The following AKAP19 variants were observed in gnomAD, a reference collection of about 807,000 sequenced individuals.
AKAP19 encodes the protein small A-kinase anchoring protein.
At chr2:189,905,654 T>C in the AKAP19 span, among the ~76,000 whole-genome samples, 2 of 139,080 alleles carry the variant, frequency 1.4e-5, no homozygotes, top group Admixed American at 1.4e-4. Flanking sequence ...TAGTTACCTG[T>C]TTGAGGCAGT....
chr2:190,191,907 GT>G, the AKAP19 span, among the ~76,000 whole-genome samples: 216 of 147,364 alleles, frequency 1.5e-3, no homozygotes, highest in African/African-American at 5.1e-3. Context: ...TATATTTGCT[GT>G]TTTTTTTTCA....
the AKAP19 span, chr2:189,930,705 G>T: frequency 1.9e-6 from 1 of 526,832 alleles, no homozygotes. Context: ...ATTGAATTGG[G>T]TCCCCATAAA....
chr2:190,188,392 G>A, the AKAP19 span, among the ~76,000 whole-genome samples: 1 of 152,132 alleles, frequency 6.6e-6, no homozygotes, highest in Non-Finnish European at 1.5e-5. Flanking sequence ...ATGACAAGAA[G>A]GCCAAAACAC....
chr2:190,050,755 A>C, the AKAP19 span, among the ~76,000 whole-genome samples: 1 of 152,220 alleles, frequency 6.6e-6, no homozygotes, highest in Non-Finnish European at 1.5e-5. Context: ...TCACTTAAAG[A>C]TCTCATGAGC....
chr2:190,099,475 G>A, the AKAP19 span, among the ~76,000 whole-genome samples: 1 of 152,056 alleles, frequency 6.6e-6, no homozygotes, highest in South Asian at 2.1e-4. Flanking sequence ...GGTTCAAGGT[G>A]CCCCAAAACA....
chr2:190,042,583 T>TAA, the AKAP19 span, among the ~76,000 whole-genome samples: 3 of 152,194 alleles, frequency 2.0e-5, no homozygotes, highest in Non-Finnish European at 4.4e-5. Flanking sequence ...CCTGCTTCTC[T>TAA]AATTCTTTCA....
chr2:190,089,049 G>A, the AKAP19 span, among the ~76,000 whole-genome samples: 1 of 152,196 alleles, frequency 6.6e-6, no homozygotes, highest in Non-Finnish European at 1.5e-5. Flanking sequence ...GGTCACTATA[G>A]CCACATCGAG....
the AKAP19 span, among the ~76,000 whole-genome samples, chr2:190,194,518 A>G: frequency 7.4e-5 from 11 of 148,520 alleles, no homozygotes; most frequent in South Asian, 2.1e-4. Context: ...ACACACACAC[A>G]CGCAGCATCT....
the AKAP19 span, among the ~76,000 whole-genome samples, chr2:189,971,563 T>A: frequency 6.6e-6 from 1 of 152,204 alleles, no homozygotes; most frequent in Non-Finnish European, 1.5e-5. Flanking sequence ...CGCCACACTG[T>A]CTTCCACAAT....
the AKAP19 span, among the ~76,000 whole-genome samples, chr2:189,970,261 A>T: frequency 6.6e-6 from 1 of 152,132 alleles, no homozygotes; most frequent in Non-Finnish European, 1.5e-5. Context: ...ATGAATACCT[A>T]TATATTCCCT....
chr2:190,140,251 G>A, the AKAP19 span, among the ~76,000 whole-genome samples: 1 of 152,134 alleles, frequency 6.6e-6, no homozygotes, highest in Admixed American at 6.5e-5. Context: ...TTGGGTGTCT[G>A]TGGCTTTTCC....
the AKAP19 span, among the ~76,000 whole-genome samples, chr2:190,088,067 G>T: frequency 1.3e-5 from 2 of 152,158 alleles, no homozygotes; most frequent in Admixed American, 1.3e-4. Context: ...TGTAAAGTAT[G>T]TATAGCTGAT....
the AKAP19 span, among the ~76,000 whole-genome samples, chr2:189,920,385 A>G: frequency 1.3e-5 from 2 of 152,194 alleles, no homozygotes; most frequent in African/African-American, 4.8e-5. Flanking sequence ...AGGCAGAAGA[A>G]GAAAGGAAAG....
the AKAP19 span, among the ~76,000 whole-genome samples, chr2:190,093,076 T>C: frequency 1.3e-5 from 2 of 152,142 alleles, no homozygotes; most frequent in African/African-American, 4.8e-5. Flanking sequence ...GTAGAAAGTA[T>C]ATAGTTAGTA....
At chr2:189,950,946 T>C in the AKAP19 span, among the ~76,000 whole-genome samples, 1 of 152,142 alleles carries the variant, frequency 6.6e-6, no homozygotes, top group Non-Finnish European at 1.5e-5. Flanking sequence ...TGTACTGACT[T>C]AATTTTCAAC....
the AKAP19 span, among the ~76,000 whole-genome samples, chr2:190,162,179 A>G: frequency 6.6e-5 from 10 of 152,162 alleles, no homozygotes; most frequent in African/African-American, 2.4e-4. Flanking sequence ...TTCATAAGCA[A>G]GATTAATTAG....
At chr2:189,955,590 T>C in the AKAP19 span, among the ~76,000 whole-genome samples, 1 of 152,204 alleles carries the variant, frequency 6.6e-6, no homozygotes, top group Non-Finnish European at 1.5e-5. Flanking sequence ...CAGCAGTATA[T>C]AAGTGTTTCT....
At chr2:190,194,192 T>G in the AKAP19 span, among the ~76,000 whole-genome samples, 7 of 152,190 alleles carry the variant, frequency 4.6e-5, no homozygotes, top group Admixed American at 2.6e-4. Context: ...ATGTTCCATA[T>G]GCACTTGATA....
chr2:190,043,529 C>T, the AKAP19 span, among the ~76,000 whole-genome samples: 5 of 152,096 alleles, frequency 3.3e-5, no homozygotes, highest in Non-Finnish European at 5.9e-5. Context: ...TTGTGTTATT[C>T]AGCTCTGTCA....
Sources: gnomAD v4.1 joint callset for allele counts (sites outside exome capture counted in the v4.1 genomes callset) on GRCh38, gnomAD v4.1.1 for gene constraint, MANE v1.5 for transcripts, NCBI Gene and HGNC (gene_info 2026-07-23, HGNC 2026-07-21) for gene names.